Variants in PTPN3 observed in about 807,000 individuals in gnomAD.
The protein encoded by PTPN3 is protein tyrosine phosphatase non-receptor type 3, also known as tyrosine-protein phosphatase non-receptor type 3.
In PTPN3, 96 loss-of-function variants were observed where a neutral mutation model predicts 132.7. That is an observed-to-expected ratio of 0.72 (90% CI 0.61 to 0.86). PTPN3 has a LOEUF of 0.86. Ranked by LOEUF, PTPN3 falls within the 40% of genes least tolerant of loss-of-function variation. The pLI is 0.00. For synonymous variants in PTPN3, 398 were observed against 429.0 expected, an observed-to-expected ratio of 0.93 and a Z score of 0.89; for missense variants, 1,125 against 1,159.6, an observed-to-expected ratio of 0.97 and a Z score of 0.43.
At chr9:109,525,013 TG>T in the PTPN3 span, among the ~76,000 whole-genome samples, 1 of 152,216 alleles carries the variant, frequency 6.6e-6, no homozygotes, top group African/African-American at 2.4e-5. Flanking sequence ...CCCAAAGTGC[TG>T]GGATTACAGG....
intron 1 of PTPN3, among the ~76,000 whole-genome samples, chr9:109,491,826 C>T (rs930907057): frequency 1.9e-4 from 29 of 152,176 alleles, no homozygotes; most frequent in African/African-American, 6.5e-4. Context: ...GGAAGGAGCA[C>T]GGTGAGGTGA....
intron 1 of PTPN3, among the ~76,000 whole-genome samples, chr9:109,493,509 C>A (rs187781423): frequency 1.3e-5 from 2 of 152,318 alleles, no homozygotes; most frequent in East Asian, 3.9e-4. Flanking sequence ...AATCATGGGA[C>A]CTCAATTTTC....
At chr9:109,381,410 TA>T (rs777603495) in intron 25 of PTPN3, among the ~76,000 whole-genome samples, 7 of 152,128 alleles carry the variant, frequency 4.6e-5, no homozygotes, top group Non-Finnish European at 1.0e-4. Flanking sequence ...TGTTCAACGA[TA>T]CAGAATGCAA....
At chr9:109,382,217 G>GGT in intron 24 of PTPN3, 85 bp downstream of exon 24, 1 of 1,466,420 alleles carries the variant, frequency 6.8e-7, no homozygotes, top group Non-Finnish European at 9.4e-7. Flanking sequence ...TGGGATGTAG[G>GGT]GTGGGTCTGG....
Position 109,408,375 on chromosome 9 carries a change from T to A in PTPN3, c.1581A>T (p.Gly527=). The A allele has an allele frequency of 5.0e-6, 8 of 1,585,632 alleles. No individual in the cohort carries two copies. The highest frequency in any genetic ancestry group is 6.9e-6 in the Non-Finnish European group (8 of 1,162,888). The change falls in exon 17 of 26, where the codon GGA becomes GGT. Residue 527 remains glycine (G), a splice_region_variant and synonymous_variant. Transcript: ENST00000374541. The stretch of plus-strand genomic sequence containing the variant: ...CAAGAGGCATCTTTTGATCCACTCC[T>A]CCCTGTAAACATTTTAAAATAAAAA... The part of the protein sequence containing the change: ...EDGKFGFNLK[G]GVDQKMPLVV...
chr9:109,444,547 T>G (rs1214206418), intron 7 of PTPN3, among the ~76,000 whole-genome samples: 1 of 152,204 alleles, frequency 6.6e-6, no homozygotes, highest in African/African-American at 2.4e-5. Context: ...AAAAAAAATG[T>G]AAAATATCTT....
At chr9:109,505,832 C>T in the PTPN3 span, among the ~76,000 whole-genome samples, 1 of 151,684 alleles carries the variant, frequency 6.6e-6, no homozygotes. Flanking sequence ...TCACTGCAAG[C>T]TCTGCCTCCC....
intron 9 of PTPN3, among the ~76,000 whole-genome samples, chr9:109,436,565 G>A (rs748360040): frequency 5.3e-5 from 8 of 152,086 alleles, no homozygotes; most frequent in East Asian, 1.9e-4. Flanking sequence ...TCCTTAAACC[G>A]TCACCTGAAA....
rs1457935377 is a variant in PTPN3, at chr9:109,377,214, T to C, written c.*2342A>G. On this transcript the variant is annotated 3_prime_UTR_variant, in exon 26 of 26. Coordinates refer to ENST00000374541, the MANE Select transcript of PTPN3 (RefSeq NM_002829.4). ...TGAATTTTTGTGAGTCCAGATTATT[T>C]TGTGCTCTTGTTCTCTCTCTTCTAG... 6.6e-6 allele frequency: 1 copy of C among 152,192 alleles called. No individual in the cohort carries two copies. Among genetic ancestry groups the C allele is most frequent in the Non-Finnish European group, 1.5e-5 (1 of 68,034 alleles). 9.4% of individuals were successfully genotyped at this position (152,192 alleles called of 1,614,324 possible).
intron 23 of PTPN3, 83 bp downstream of exon 23, chr9:109,383,340 C>G (rs1245098966): frequency 6.2e-7 from 1 of 1,609,572 alleles, no homozygotes; most frequent in Non-Finnish European, 8.5e-7. Context: ...AGAGTGCACA[C>G]CTAGAAGCGT....
intron 14 of PTPN3, among the ~76,000 whole-genome samples, chr9:109,419,167 A>G (rs1158951690): frequency 6.6e-6 from 1 of 152,270 alleles, no homozygotes; most frequent in Non-Finnish European, 1.5e-5. Context: ...GGTCACAAGG[A>G]AAGAATGACC....
chr9:109,395,372 G>C (rs1480789170), intron 19 of PTPN3, among the ~76,000 whole-genome samples: 7 of 152,186 alleles, frequency 4.6e-5, no homozygotes, highest in Admixed American at 4.6e-4. Flanking sequence ...AGTTAAGGTT[G>C]TTTTGGCCTT....
chr9:109,482,402 G>A (rs1217431432), intron 1 of PTPN3, among the ~76,000 whole-genome samples: 3 of 152,064 alleles, frequency 2.0e-5, no homozygotes, highest in Admixed American at 2.0e-4. Flanking sequence ...TTGTATCTAC[G>A]GGATAACCGC....
chr9:109,534,231 G>T, the PTPN3 span: 2 of 1,439,116 alleles, frequency 1.4e-6, no homozygotes, highest in Non-Finnish European at 1.9e-6. Flanking sequence ...CGTTTCCTGT[G>T]CCGCTGCCCG....
rs146077461 is a variant in PTPN3, at chr9:109,406,521, A to G, written c.1733T>C (p.Phe578Ser). 2.5e-6 allele frequency: 4 copies of G among 1,614,034 alleles called. No homozygotes were observed. The highest frequency in any genetic ancestry group is 2.2e-5 in the South Asian group (2 of 91,064). The part of the protein sequence containing the change: ...SEHTHDQVVM[F>S]IKASRESHSR... ...GTGGGACTCCCGGCTGGCTTTGATGAACATCACCACTTGGTCATGCGTGTG... is the reference window on the plus strand; with the variant it reads ...GTGGGACTCCCGGCTGGCTTTGATGGACATCACCACTTGGTCATGCGTGTG... Residue 578 changes from phenylalanine (F) to serine (S), a missense_variant, in exon 18 of 26, where the codon TTC (phenylalanine) becomes TCC (serine). Coordinates refer to ENST00000374541, the MANE Select transcript of PTPN3 (RefSeq NM_002829.4).
intron 1 of PTPN3, among the ~76,000 whole-genome samples, chr9:109,492,101 G>C (rs1257427937): frequency 6.6e-6 from 1 of 152,188 alleles, no homozygotes; most frequent in Non-Finnish European, 1.5e-5. Context: ...AACCAGAGCA[G>C]GGGAGGGGAC....
chr9:109,447,128 A>C (rs770930985), intron 6 of PTPN3, among the ~76,000 whole-genome samples: 1 of 152,216 alleles, frequency 6.6e-6, no homozygotes, highest in Non-Finnish European at 1.5e-5. Context: ...TGTGGCCTTA[A>C]CAGATTTGCC....
At chr9:109,382,274 AAACCT>A (rs1303712884) in intron 24 of PTPN3, 23 bp downstream of exon 24, 1 of 1,610,748 alleles carries the variant, frequency 6.2e-7, no homozygotes, top group South Asian at 1.1e-5. Flanking sequence ...AAAGGATTCC[AAACCT>A]AACAAAACAG....
intron 19 of PTPN3, among the ~76,000 whole-genome samples, chr9:109,401,829 C>T (rs1247945574): frequency 2.0e-5 from 3 of 152,160 alleles, no homozygotes; most frequent in Non-Finnish European, 4.4e-5. Flanking sequence ...TCCCCCCACA[C>T]ACTTAATCCT....
Sources: gnomAD v4.1 joint callset for allele counts (sites outside exome capture counted in the v4.1 genomes callset) on GRCh38, gnomAD v4.1.1 for gene constraint, MANE v1.5 for transcripts, NCBI Gene and HGNC (gene_info 2026-07-23, HGNC 2026-07-21) for gene names.